CLCN5: variants seen among roughly 807,000 people sequenced by gnomAD.
CLCN5 encodes the protein H(+)/Cl(-) exchange transporter 5.
Under a neutral mutation model 54.0 loss-of-function variants are expected in CLCN5, and 17 were observed. The ratio of observed to expected loss-of-function variants is 0.31; its 90% CI spans 0.22 to 0.47. The LOEUF (loss-of-function observed/expected upper bound fraction) is 0.47. Among genes scored for constraint, CLCN5 ranks in the 20% least tolerant of loss-of-function variants. The pLI is 1.00. For synonymous variants in CLCN5, 222 were observed against 233.0 expected (o/e 0.95, Z 0.43); for missense variants, 448 against 646.7 (o/e 0.69, Z 3.33).
intron 4 of CLCN5, among the ~76,000 whole-genome samples, chrX:50,066,451 A>G (rs1557190896): frequency 8.9e-6 from 1 of 111,880 alleles, no homozygotes; most frequent in Non-Finnish European, 1.9e-5. Context: ...TCGAACCTTA[A>G]GAATTGATGC....
At chrX:49,989,868 G>A (rs934518338) in intron 3 of CLCN5, among the ~76,000 whole-genome samples, 3 of 111,932 alleles carry the variant, frequency 2.7e-5, no homozygotes, top group Non-Finnish European at 3.8e-5. Flanking sequence ...AGAGGTTAGA[G>A]GAACCTTTAA....
intron 3 of CLCN5, among the ~76,000 whole-genome samples, chrX:49,938,398 G>C (rs984413872): frequency 9.4e-4 from 105 of 111,532 alleles, no homozygotes; most frequent in Non-Finnish European, 1.7e-3. Flanking sequence ...ATACTACAAG[G>C]CTACAGTAAC....
chrX:50,007,397 T>TTCTCTCTCTC lies in CLCN5; in HGVS notation c.17-34887_17-34878dup, dbSNP rs781888075. Among the ~76,000 whole-genome samples, 165 of 64,392 alleles carry TTCTCTCTCTC rather than the reference T, an allele frequency of 2.6e-3. 1 individual carries two copies. Among genetic ancestry groups the TTCTCTCTCTC allele is most frequent in the Middle Eastern group, 8.6e-3 (1 of 116 alleles). 55.9% of individuals were successfully genotyped at this position (64,392 alleles called of 115,157 possible). On this transcript the variant is annotated intron_variant, in intron 3 of 14. Coordinates refer to ENST00000376091, the MANE Select transcript of CLCN5 (RefSeq NM_001127898.4). The stretch of plus-strand genomic sequence containing the variant: ...ATTTTCTGTCTCTCTCTCTCTCTCT[T>TTCTCTCTCTC]TCTCTCTCTCTCTCTCTCTCTCTCT...
At chrX:49,997,372 G>A (rs1264447291) in intron 3 of CLCN5, among the ~76,000 whole-genome samples, 2 of 111,074 alleles carry the variant, frequency 1.8e-5, no homozygotes, top group East Asian at 2.8e-4. Flanking sequence ...AGATGTCAAA[G>A]TCATACCTTT....
intron 4 of CLCN5, among the ~76,000 whole-genome samples, chrX:50,060,731 T>G (rs1363563340): frequency 9.0e-6 from 1 of 111,592 alleles, no homozygotes; most frequent in South Asian, 3.7e-4. Context: ...AAGATAGCAG[T>G]AACCTCTGCA....
intron 3 of CLCN5, among the ~76,000 whole-genome samples, chrX:49,997,404 C>T (rs1299969558): frequency 9.0e-6 from 1 of 111,444 alleles, no homozygotes; most frequent in Non-Finnish European, 1.9e-5. Context: ...CCCCACTTGT[C>T]CCTGTTGTAA....
chrX:50,080,625 T>A lies in CLCN5; in HGVS notation c.635T>A (p.Met212Lys). 1 of 1,208,562 alleles carries A rather than the reference T, an allele frequency of 8.3e-7. No homozygotes were observed. Among genetic ancestry groups the A allele is most frequent in the Non-Finnish European group, 1.1e-6 (1 of 892,918 alleles). The change falls in exon 8 of 15, where the codon ATG (methionine) becomes AAG (lysine). Residue 212 changes from methionine to lysine, a missense_variant. This residue lies in a region of CLCN5 where 40 missense variants were observed against 27.8 expected (regional missense o/e 1.44). Transcript: ENST00000376091. ...TTTGCCTACATAGTCAATTATTTCA[T>A]GTACGTCCTCTGGGCTCTCCTATTT... ...GAFAYIVNYF[M>K]YVLWALLFAF...
chrX:50,009,101 G>A, intron 3 of CLCN5: 1 of 300,128 alleles, frequency 3.3e-6, no homozygotes, highest in South Asian at 3.3e-5. Context: ...TGTTTGCTAT[G>A]CGGTGCCAGA....
chrX:50,086,838 A>G lies in CLCN5; in HGVS notation c.1525A>G (p.Ile509Val). The stretch of plus-strand genomic sequence containing the variant: ...GCTGGCTTTAACACTCATACTGAAA[A>G]TTGTCATTACTATATTCACCTTTGG... ...WQLALTLILK[I>V]VITIFTFGMK... is the part of the protein sequence containing the mutation. The change falls in exon 11 of 15, where the codon ATT becomes GTT. Residue 509 changes from isoleucine to valine, a missense_variant. Coordinates refer to ENST00000376091, the MANE Select transcript of CLCN5 (RefSeq NM_001127898.4). 2 of 1,211,095 alleles carry G rather than the reference A, an allele frequency of 1.7e-6. No homozygotes were observed. The highest frequency in any genetic ancestry group is 1.1e-6 in the Non-Finnish European group (1 of 895,339).
chrX:50,014,844 TATTAAA>T (rs1449748025), intron 3 of CLCN5, among the ~76,000 whole-genome samples: 2 of 110,733 alleles, frequency 1.8e-5, no homozygotes, highest in Non-Finnish European at 3.8e-5. Flanking sequence ...TAAATGTCCT[TATTAAA>T]TAATGTCCAT....
chrX:50,045,815 G>T (rs897113858), intron 4 of CLCN5, among the ~76,000 whole-genome samples: 8 of 112,073 alleles, frequency 7.1e-5, no homozygotes, highest in African/African-American at 2.3e-4. Flanking sequence ...TTCTTGCTTT[G>T]CTTTCTAATT....
rs1975571579 is a variant in CLCN5, at chrX:50,092,773, T to C, written c.*554T>C. 1 of 116,722 alleles carries C rather than the reference T, an allele frequency of 8.6e-6. No homozygotes were observed. Among genetic ancestry groups the C allele is most frequent in the Non-Finnish European group, 1.8e-5 (1 of 55,540 alleles). The allele number at this position is 116,722 out of a possible 1,213,427, so 9.6% of individuals were successfully genotyped here. On this transcript the variant is annotated 3_prime_UTR_variant, in exon 15 of 15. Transcript: ENST00000376091. ...CTTGTTCCTGTTACAATATTTAGCA[T>C]TATTAGTTTGTTATGTGTGTATGTT...
chrX:50,013,164 C>CCT (rs782328041), intron 3 of CLCN5: 1 of 263,170 alleles, frequency 3.8e-6, no homozygotes, highest in South Asian at 4.4e-5. Flanking sequence ...CAATCTCTCT[C>CCT]CTCTCTCTCT....
intron 13 of CLCN5, 39 bp from the exon 14 acceptor site, chrX:50,090,631 C>T (rs1397717065): frequency 5.1e-6 from 6 of 1,166,553 alleles, no homozygotes; most frequent in Admixed American, 4.7e-5. Flanking sequence ...AGAGCTAGCA[C>T]GTCCATCTTC....
intron 4 of CLCN5, among the ~76,000 whole-genome samples, chrX:50,052,596 A>G (rs1181357864): frequency 9.0e-6 from 1 of 111,397 alleles, no homozygotes. Flanking sequence ...GTTTTCTGGA[A>G]GAGATTGGGG....
At chrX:50,060,293 G>T (rs868975517) in intron 4 of CLCN5, among the ~76,000 whole-genome samples, 37 of 110,669 alleles carry the variant, frequency 3.3e-4, no homozygotes, top group African/African-American at 9.8e-4. Flanking sequence ...CAGGCCAGTG[G>T]GTGCGCGCAC....
intron 7 of CLCN5, among the ~76,000 whole-genome samples, chrX:50,078,499 G>T (rs1490809748): frequency 8.9e-6 from 1 of 112,389 alleles, no homozygotes; most frequent in Non-Finnish European, 1.9e-5. Context: ...ACAATCCACA[G>T]ACTTTAGTTC....
chrX:50,003,209 C>T (rs782566998), intron 3 of CLCN5: 1 of 383,229 alleles, frequency 2.6e-6, no homozygotes, highest in African/African-American at 2.6e-5. Flanking sequence ...ATTACCCTCC[C>T]ACACCCAAGG....
Position 49,936,492 on chromosome X carries a change from C to T in CLCN5, c.16+11178C>T, listed in dbSNP as rs75574031. Among the ~76,000 whole-genome samples the T allele has an allele frequency of 7.4e-4, 83 of 111,957 alleles. 2 individuals carry two copies. The East Asian group carries it at 0.021, about 28-fold the overall frequency. ...TGAGGAATAGCATTCTTTGAATTTG[C>T]GTTTGGATGGGGCAAGGCTAATCAT... On this transcript the variant is annotated intron_variant, in intron 3 of 14. Coordinates refer to ENST00000376091, the MANE Select transcript of CLCN5 (RefSeq NM_001127898.4).
Sources: gnomAD v4.1 joint callset for allele counts (sites outside exome capture counted in the v4.1 genomes callset) on GRCh38, gnomAD v4.1.1 for gene constraint, gnomAD v4.1.1 regional missense constraint, MANE v1.5 for transcripts, NCBI Gene and HGNC (gene_info 2026-07-23, HGNC 2026-07-21) for gene names.